Variants in MYO5B observed in about 807,000 individuals in gnomAD.
The protein encoded by MYO5B is unconventional myosin-Vb.
Under a neutral mutation model 229.3 loss-of-function variants are expected in MYO5B, and 143 were observed. The observed-to-expected ratio is 0.62, with a 90% CI of 0.54 to 0.72. The LOEUF is 0.72. MYO5B is among the 30% of genes least tolerant of loss of function. MYO5B has a pLI of 0.00. For synonymous variants in MYO5B, 918 were observed against 885.2 expected, an observed-to-expected ratio of 1.04 and a Z score of -0.66; for missense variants, 2,321 against 2,331.0, an observed-to-expected ratio of 1.00 and a Z score of 0.09.
rs557689757 is a variant in MYO5B, at chr18:50,116,778, A to C, written c.28-61400T>G. Reference sequence around the variant, plus strand: ...ACTAAATCAGCAGTCTAGGGTATTCAGGAGTCTTTAACAAACCTTCTGGGC... The same window carrying C: ...ACTAAATCAGCAGTCTAGGGTATTCCGGAGTCTTTAACAAACCTTCTGGGC... On this transcript the variant is annotated intron_variant, in intron 1 of 39. Transcript: ENST00000285039. Among the ~76,000 whole-genome samples the C allele has an allele frequency of 2.8e-4, 42 of 151,360 alleles. 1 individual carries two copies. Among genetic ancestry groups the C allele is most frequent in the Admixed American group, 1.7e-3 (26 of 15,224 alleles).
At chr18:50,110,189 C>T (rs765592501) in intron 1 of MYO5B, among the ~76,000 whole-genome samples, 4 of 152,044 alleles carry the variant, frequency 2.6e-5, no homozygotes, top group Non-Finnish European at 4.4e-5. Context: ...TTTGGCCAAA[C>T]GTGAACTTCT....
Position 50,194,904 on chromosome 18 carries a change from C to T in MYO5B, c.-111G>A. On this transcript the variant is annotated 5_prime_UTR_variant, in exon 1 of 40. Coordinates refer to ENST00000285039, the MANE Select transcript of MYO5B (RefSeq NM_001080467.3). The stretch of plus-strand genomic sequence containing the variant: ...CCGGGCTGGCCTGGAGTTTCTCGAT[C>T]TTCTCGCTCTTCTCCGACCTGCCCC... 1 of 1,207,834 alleles carries T rather than the reference C, an allele frequency of 8.3e-7. No individual in the cohort carries two copies. The highest frequency in any genetic ancestry group is 1.0e-6 in the Non-Finnish European group (1 of 971,288). The allele number at this position is 1,207,834 out of a possible 1,614,324, so 74.8% of individuals were successfully genotyped here.
chr18:49,994,051 T>C (rs7233322), intron 5 of MYO5B, among the ~76,000 whole-genome samples: 1,957 of 152,194 alleles, frequency 0.013, 40 homozygotes, highest in African/African-American at 0.045. Context: ...GTTCCCTCTT[T>C]TCCCACGGCT....
intron 39 of MYO5B, among the ~76,000 whole-genome samples, chr18:49,828,873 CAT>C (rs963731990): frequency 6.6e-6 from 1 of 151,028 alleles, no homozygotes; most frequent in African/African-American, 2.4e-5. Flanking sequence ...ATGGGATAAA[CAT>C]AGTGCTAAAA....
intron 12 of MYO5B, 64 bp downstream of exon 12, chr18:49,962,202 T>C (rs2025567107): frequency 3.8e-6 from 6 of 1,598,076 alleles, no homozygotes; most frequent in Non-Finnish European, 5.1e-6. Context: ...TTTGAGATCT[T>C]ATGTGATTTC....
Position 49,965,454 on chromosome 18 carries a change from T to TTCTCTC in MYO5B, c.1323-2425_1323-2424insGAGAGA, listed in dbSNP as rs555133086. On this transcript the variant is annotated intron_variant, in intron 10 of 39. Transcript: ENST00000285039. ...TTCTTTTCATACAAACACACTTCTTTTCACACACACACACACACACACACA... is the reference window on the plus strand; with the variant it reads ...TTCTTTTCATACAAACACACTTCTTTTCTCTCTCACACACACACACACACACACACA... 5.5e-3 allele frequency among the ~76,000 whole-genome samples: 161 copies of TTCTCTC among 29,246 alleles called. 1 individual carries two copies. The highest frequency in any genetic ancestry group is 0.05 in the Admixed American group (102 of 2,052). The allele number at this position is 29,246 out of a possible 152,430, so 19.2% of individuals were successfully genotyped here. A position where few individuals can be genotyped will look rare whatever the true frequency, so the allele number is the denominator to read the frequency against.
intron 1 of MYO5B, among the ~76,000 whole-genome samples, chr18:50,146,684 A>G (rs1568124231): frequency 1.3e-5 from 2 of 152,218 alleles, no homozygotes. Flanking sequence ...TTACATCTGA[A>G]TTAACCCAGT....
At chr18:49,904,132 A>T (rs532725488) in intron 20 of MYO5B, among the ~76,000 whole-genome samples, 70 of 152,348 alleles carry the variant, frequency 4.6e-4, no homozygotes, top group African/African-American at 1.7e-3. Context: ...TTCAAAACTC[A>T]TGTTGAAATC....
chr18:49,900,446 G>A (rs777364779), intron 21 of MYO5B, among the ~76,000 whole-genome samples: 1 of 152,194 alleles, frequency 6.6e-6, no homozygotes, highest in Admixed American at 6.5e-5. Context: ...AAGGCACCCT[G>A]TAGAACTAAC....
Position 49,837,573 on chromosome 18 carries a change from AAG to A in MYO5B, c.5080_5081del (p.Leu1694Ter), listed in dbSNP as rs2024003484. On this transcript the variant is annotated frameshift_variant, in exon 37 of 40. Transcript: ENST00000285039. LOFTEE classifies it high-confidence loss of function. ...CGTCCTTCCGCAAGAGCAGGTTGTT[AAG>A]AGTCACTGCGTTGATCATGTAGAAG... ...QLFYMINAVT[L>X]NNLLLRKDVC... 6.2e-7 allele frequency: 1 copy of A among 1,613,860 alleles called. No individual in the cohort carries two copies. Among genetic ancestry groups the A allele is most frequent in the African/African-American group, 1.3e-5 (1 of 74,908 alleles).
At position 50,040,252 on chromosome 18, in the gene MYO5B, G is replaced by C. The variant is rs757104329; in HGVS notation, c.201C>G (p.Ile67Met). ...CAGTCAGGTCATTTTCTCCCACCAA[G>C]ATATCTGGATTCCGTAAGAAGGGCA... ...NQLPFLRNPDILVGENDLTAL... is the reference protein window; with the variant it reads ...NQLPFLRNPDMLVGENDLTAL... Residue 67 changes from isoleucine (I) to methionine (M), a missense_variant, in exon 3 of 40, where the codon ATC (isoleucine) becomes ATG (methionine). Ile to Met is a conservative substitution (Grantham distance 10). Coordinates refer to ENST00000285039, the MANE Select transcript of MYO5B (RefSeq NM_001080467.3). 2 of 1,614,050 alleles carry C rather than the reference G, an allele frequency of 1.2e-6. No homozygotes were observed. Among genetic ancestry groups the C allele is most frequent in the Admixed American group, 3.3e-5 (2 of 60,026 alleles).
intron 1 of MYO5B, among the ~76,000 whole-genome samples, chr18:50,085,662 A>G (rs1055822625): frequency 1.3e-5 from 2 of 152,178 alleles, no homozygotes; most frequent in Admixed American, 1.3e-4. Flanking sequence ...CTTGGAACCA[A>G]CCCAGATGTC....
At chr18:49,934,160 GCCA>G (rs1332362135) in intron 16 of MYO5B, among the ~76,000 whole-genome samples, 2 of 152,202 alleles carry the variant, frequency 1.3e-5, no homozygotes, top group East Asian at 3.9e-4. Flanking sequence ...ACAGGCATGA[GCCA>G]CCACACCAGG....
intron 14 of MYO5B, among the ~76,000 whole-genome samples, chr18:49,940,177 G>A (rs1365463402): frequency 1.3e-5 from 2 of 152,166 alleles, no homozygotes; most frequent in African/African-American, 2.4e-5. Context: ...CACTATTCTA[G>A]GTGAATTCAA....
intron 1 of MYO5B, among the ~76,000 whole-genome samples, chr18:50,067,245 GA>G: frequency 6.6e-6 from 1 of 152,318 alleles, no homozygotes; most frequent in Non-Finnish European, 1.5e-5. Context: ...CTGTCACTGT[GA>G]AAACCATTTG....
intron 16 of MYO5B, among the ~76,000 whole-genome samples, chr18:49,931,393 T>C (rs1787327): frequency 6.6e-5 from 10 of 152,146 alleles, no homozygotes; most frequent in Admixed American, 5.2e-4. Context: ...CACACCCATC[T>C]TCTCCATAAA....
chr18:49,949,169 G>C (rs1266144001), intron 14 of MYO5B, among the ~76,000 whole-genome samples: 1 of 152,168 alleles, frequency 6.6e-6, no homozygotes, highest in Non-Finnish European at 1.5e-5. Context: ...CCCAGCACAT[G>C]CTGGCACAAA....
At chr18:50,117,468 AT>A (rs2031983460) in intron 1 of MYO5B, among the ~76,000 whole-genome samples, 1 of 152,122 alleles carries the variant, frequency 6.6e-6, no homozygotes, top group African/African-American at 2.4e-5. Flanking sequence ...TAGTTATGGA[AT>A]TTTCAAAGTT....
At chr18:49,903,372 G>A (rs1424291706) in intron 20 of MYO5B, among the ~76,000 whole-genome samples, 1 of 152,146 alleles carries the variant, frequency 6.6e-6, no homozygotes, top group Non-Finnish European at 1.5e-5. Context: ...TGGAATAAAT[G>A]AGTAAACAAG....
Sources: allele counts gnomAD v4.1 joint callset (sites outside exome capture counted in the v4.1 genomes callset), GRCh38; gene constraint gnomAD v4.1.1; transcripts MANE v1.5; gene names NCBI Gene and HGNC (gene_info 2026-07-23, HGNC 2026-07-21).